Variants in DSCAML1 observed in about 807,000 individuals in gnomAD.
The protein encoded by DSCAML1 is DS cell adhesion molecule like 1.
DSCAML1 carries 38 observed loss-of-function variants against 200.5 expected under a neutral mutation model. The ratio of observed to expected loss-of-function variants is 0.19; its 90% CI spans 0.15 to 0.25. The LOEUF (loss-of-function observed/expected upper bound fraction) is 0.25. DSCAML1 is among the 10% of genes least tolerant of loss of function. DSCAML1 has a pLI of 1.00. For synonymous variants in DSCAML1, 1,215 were observed against 1,165.0 expected (o/e 1.04, Z -0.87); for missense variants, 2,223 against 2,858.8 (o/e 0.78, Z 5.07).
intron 22 of DSCAML1, 103 bp from the exon 23 acceptor site, chr11:117,439,532 C>A: frequency 6.9e-7 from 1 of 1,452,848 alleles, no homozygotes; most frequent in South Asian, 1.3e-5. Flanking sequence ...TGGAAGGAGG[C>A]TCGCCAGGGA....
intron 3 of DSCAML1, among the ~76,000 whole-genome samples, chr11:117,776,385 G>A (rs943073225): frequency 3.9e-5 from 6 of 152,190 alleles, no homozygotes; most frequent in Middle Eastern, 6.8e-3. Flanking sequence ...GTCACACGAC[G>A]CAGGAACACA....
chr11:117,467,924 C>T (rs1032569644), intron 16 of DSCAML1, among the ~76,000 whole-genome samples: 1 of 152,128 alleles, frequency 6.6e-6, no homozygotes, highest in Non-Finnish European at 1.5e-5. Flanking sequence ...TGCCTACATG[C>T]CCAGAGCTAT....
intron 3 of DSCAML1, among the ~76,000 whole-genome samples, chr11:117,598,764 T>C (rs1441268019): frequency 6.6e-6 from 1 of 152,152 alleles, no homozygotes; most frequent in Non-Finnish European, 1.5e-5. Context: ...GCGCCAACTT[T>C]CCTGGGCACA....
intron 3 of DSCAML1, among the ~76,000 whole-genome samples, chr11:117,572,121 T>G (rs1388305894): frequency 1.3e-5 from 2 of 152,226 alleles, no homozygotes; most frequent in Non-Finnish European, 2.9e-5. Flanking sequence ...TTCTTTTATT[T>G]CTTTACTTTC....
At chr11:117,709,045 C>T (rs189970873) in intron 3 of DSCAML1, among the ~76,000 whole-genome samples, 3 of 152,264 alleles carry the variant, frequency 2.0e-5, no homozygotes, top group South Asian at 2.1e-4. Flanking sequence ...GTGGGGATAT[C>T]GATAATATTC....
intron 3 of DSCAML1, among the ~76,000 whole-genome samples, chr11:117,678,235 CCATTT>C (rs1345035093): frequency 6.6e-6 from 1 of 152,226 alleles, no homozygotes; most frequent in African/African-American, 2.4e-5. Context: ...GAGATAGCCC[CCATTT>C]TTCTCCTGGT....
rs183443168 is a variant in DSCAML1 at position 117,527,386 on chromosome 11, C to G, written c.659-2303G>C. 4.2e-3 allele frequency among the ~76,000 whole-genome samples: 634 copies of G among 152,266 alleles called. 2 individuals are homozygous for G. Among genetic ancestry groups the G allele is most frequent in the Non-Finnish European group, 6.7e-3 (453 of 68,022 alleles). On this transcript the variant is annotated intron_variant, in intron 4 of 32. Transcript: ENST00000651296. Reference sequence around the variant, plus strand: ...CAAGGGCAGTCAGCACCTGGAAGACCGAGCTCCTCAAGGCAGCGTTAAACC... The same window carrying G: ...CAAGGGCAGTCAGCACCTGGAAGACGGAGCTCCTCAAGGCAGCGTTAAACC...
At chr11:117,664,625 G>A (rs1464184680) in intron 3 of DSCAML1, among the ~76,000 whole-genome samples, 1 of 152,226 alleles carries the variant, frequency 6.6e-6, no homozygotes, top group Non-Finnish European at 1.5e-5. Flanking sequence ...TTAGCACAAT[G>A]TCTACCCCGT....
chr11:117,667,364 A>G (rs1007491739), intron 3 of DSCAML1, among the ~76,000 whole-genome samples: 5 of 152,220 alleles, frequency 3.3e-5, no homozygotes, highest in African/African-American at 7.2e-5. Flanking sequence ...GTGAGCCAAG[A>G]TGGCACCACT....
At chr11:117,649,755 C>T (rs1288660215) in intron 3 of DSCAML1, among the ~76,000 whole-genome samples, 3 of 152,222 alleles carry the variant, frequency 2.0e-5, no homozygotes, top group Admixed American at 6.5e-5. Flanking sequence ...TGGTCCTAAA[C>T]CTGTTCTCAA....
intron 3 of DSCAML1, among the ~76,000 whole-genome samples, chr11:117,633,714 T>C (rs1347325075): frequency 6.6e-6 from 1 of 152,126 alleles, no homozygotes; most frequent in East Asian, 1.9e-4. Context: ...CTCCTTGGGA[T>C]TGAAGGGTAG....
intron 1 of DSCAML1, among the ~76,000 whole-genome samples, chr11:117,803,357 A>T (rs7108548): frequency 0.49 from 74,101 of 151,616 alleles, 18,289 homozygotes; most frequent in African/African-American, 0.54. Flanking sequence ...ACGTAAAAAA[A>T]TTTTTTTTAA....
rs1326267472 is a variant in DSCAML1 at position 117,516,308 on chromosome 11, C to T, written c.1783+159G>A. ...GCCTGCGTCCACCCACAGTCTTCTG[C>T]CCTGCTCCCTTTTTTCTGAATGCCA... On this transcript the variant is annotated intron_variant, in intron 8 of 32. Transcript: ENST00000651296. This position sits in a 1 kb window ranked among gnomAD's most constrained non-coding sequence, Gnocchi z 5.7. Among the ~76,000 whole-genome samples the T allele has an allele frequency of 6.6e-6, 1 of 152,330 alleles. No individual in the cohort carries two copies. Among genetic ancestry groups the T allele is most frequent in the Non-Finnish European group, 1.5e-5 (1 of 68,038 alleles).
intron 3 of DSCAML1, among the ~76,000 whole-genome samples, chr11:117,760,931 G>A (rs570599353): frequency 7.2e-5 from 11 of 152,292 alleles, no homozygotes; most frequent in African/African-American, 2.6e-4. Context: ...GCCGGAAGTA[G>A]AAACCCCATG....
chr11:117,792,808 C>A (rs1367652484), intron 1 of DSCAML1, among the ~76,000 whole-genome samples: 8 of 152,156 alleles, frequency 5.3e-5, no homozygotes, highest in Non-Finnish European at 1.0e-4. Flanking sequence ...AGAGGAGCAA[C>A]CCACATCCCA....
At position 117,641,182 on chromosome 11, in the gene DSCAML1, A is replaced by G. The variant is rs75916555; in HGVS notation, c.512-108660T>C. 2.4e-3 allele frequency among the ~76,000 whole-genome samples: 369 copies of G among 152,326 alleles called. 2 individuals carry two copies. The highest frequency in any genetic ancestry group is 4.5e-3 in the Non-Finnish European group (308 of 68,036). On this transcript the variant is annotated intron_variant, in intron 3 of 32. Coordinates refer to ENST00000651296, the MANE Select transcript of DSCAML1 (RefSeq NM_020693.4). ...ACGCTGGGTCTGATCAGATGCCAGG[A>G]CTGGGGACTAGTTGACCCCAGGGTC...
chr11:117,651,085 TG>T (rs2052623015), intron 3 of DSCAML1, among the ~76,000 whole-genome samples: 1 of 152,242 alleles, frequency 6.6e-6, no homozygotes, highest in African/African-American at 2.4e-5. Context: ...GACATGGACA[TG>T]GCCTGATTTG....
At chr11:117,481,796 A>AT (rs1386379828) in intron 12 of DSCAML1, among the ~76,000 whole-genome samples, 167 bp downstream of exon 12, 22 of 151,564 alleles carry the variant, frequency 1.5e-4, no homozygotes, top group Non-Finnish European at 1.5e-5. Flanking sequence ...TGAGACACAG[A>AT]TTCCTGGATG....
chr11:117,584,953 C>T (rs1385000086), intron 3 of DSCAML1, among the ~76,000 whole-genome samples: 1 of 152,046 alleles, frequency 6.6e-6, no homozygotes, highest in African/African-American at 2.4e-5. Flanking sequence ...GACAAGTGTC[C>T]AATACATATT....
Sources: gnomAD v4.1 joint callset for allele counts (sites outside exome capture counted in the v4.1 genomes callset) on GRCh38, gnomAD v4.1.1 for gene constraint, Gnocchi (gnomAD v3.1) non-coding constraint, MANE v1.5 for transcripts, NCBI Gene and HGNC (gene_info 2026-07-23, HGNC 2026-07-21) for gene names.